WNT2B: variants seen among roughly 807,000 people sequenced by gnomAD.
WNT2B encodes the protein protein Wnt-2b.
WNT2B carries 19 observed loss-of-function variants against 40.5 expected under a neutral mutation model. That is an observed-to-expected ratio of 0.47 (90% confidence interval 0.33 to 0.69). The LOEUF is 0.69. WNT2B is among the 30% of genes least tolerant of loss of function. WNT2B has a pLI of 0.02. For synonymous variants in WNT2B, 220 were observed against 211.9 expected (o/e 1.04, Z -0.33); for missense variants, 467 against 556.4 (o/e 0.84, Z 1.62).
At position 112,471,385 on chromosome 1, in the gene WNT2B, CACTT is replaced by C. The variant is rs144517071; in HGVS notation, c.-95+3795_-95+3798del. 1.1e-3 allele frequency among the ~76,000 whole-genome samples: 171 copies of C among 152,326 alleles called. 4 individuals are homozygous for C. In the East Asian group the frequency reaches 0.03, roughly 27 times the overall value. ...GCCAACCTTGGCTGAGTTGACCACT[CACTT>C]CCTGCTCCATCTGTGCCTCAGGTAT... is the stretch of plus-strand genomic sequence containing the variant. On this transcript the variant is annotated intron_variant, in intron 1 of 4. Coordinates refer to the WNT2B transcript ENST00000256640.
At chr1:112,517,092 C>T (rs765181382) in intron 3 of WNT2B, 29 bp from the exon 4 acceptor site, 4 of 1,598,934 alleles carry the variant, frequency 2.5e-6, no homozygotes, top group Middle Eastern at 1.9e-4. Context: ...CCAGCTACTT[C>T]TCCCTTAACT....
chr1:112,509,136 C>G lies in WNT2B; in HGVS notation c.-127C>G, dbSNP rs1232320838. On this transcript the variant is annotated 5_prime_UTR_variant, in exon 1 of 5. Transcript: ENST00000369684. The surrounding 1 kb of genome is among the most constrained non-coding windows in gnomAD (Gnocchi z 4.2). ...CCCGGGCTCTGGACCCCAGGTGATCCTAGGTCCCCAGCCGCCGGCGAACAC... is the reference window on the plus strand; with the variant it reads ...CCCGGGCTCTGGACCCCAGGTGATCGTAGGTCCCCAGCCGCCGGCGAACAC... The G allele has an allele frequency of 1.2e-5, 16 of 1,376,426 alleles. No individual in the cohort carries two copies. The allele number at this position is 1,376,426 out of a possible 1,614,324, so 85.3% of individuals were successfully genotyped here.
chr1:112,479,101 A>G (rs1304708452), intron 1 of WNT2B, among the ~76,000 whole-genome samples: 2 of 150,944 alleles, frequency 1.3e-5, no homozygotes, highest in South Asian at 2.1e-4. Flanking sequence ...CATGCCTGTA[A>G]TCCCAGCTAC....
intron 1 of WNT2B, chr1:112,491,181 G>T: frequency 3.4e-6 from 4 of 1,176,904 alleles, no homozygotes; most frequent in South Asian, 2.7e-5. Context: ...AGGCTGAGGC[G>T]GGTGGATCAC....
chr1:112,523,222 T>C lies in WNT2B; in HGVS notation c.*2713T>C, dbSNP rs1158144576. ...GAAATGGGCCTCTTCTGGCATCTCATGCTACTCTGTGCTTTTCCTTGGGCT... is the reference window on the plus strand; with the variant it reads ...GAAATGGGCCTCTTCTGGCATCTCACGCTACTCTGTGCTTTTCCTTGGGCT... On this transcript the variant is annotated 3_prime_UTR_variant, in exon 5 of 5. Transcript: ENST00000369684. 1.3e-5 allele frequency: 2 copies of C among 152,244 alleles called. No homozygotes were observed. The highest frequency in any genetic ancestry group is 2.9e-5 in the Non-Finnish European group (2 of 68,050). 9.4% of individuals were successfully genotyped at this position (152,244 alleles called of 1,614,324 possible).
chr1:112,520,594 C>G lies in WNT2B; in HGVS notation c.*85C>G. 1 of 1,372,864 alleles carries G rather than the reference C, an allele frequency of 7.3e-7. No individual in the cohort carries two copies. Among genetic ancestry groups the G allele is most frequent in the South Asian group, 1.3e-5 (1 of 78,194 alleles). The allele number at this position is 1,372,864 out of a possible 1,614,324, so 85.0% of individuals were successfully genotyped here. On this transcript the variant is annotated 3_prime_UTR_variant, in exon 5 of 5. Coordinates refer to ENST00000369684, the MANE Select transcript of WNT2B (RefSeq NM_024494.3). ...CCTTGCATGCACACCTTCCTCCACC[C>G]TCCACCCTGGGCTGCTACCGCTTCT...
chr1:112,477,976 G>A (rs1489590550), intron 1 of WNT2B, among the ~76,000 whole-genome samples: 1 of 152,212 alleles, frequency 6.6e-6, no homozygotes, highest in East Asian at 1.9e-4. Context: ...GCTCATGCCT[G>A]TAACCCTAGC....
chr1:112,497,141 A>G lies in WNT2B; in HGVS notation c.-94-17733A>G, dbSNP rs1387133679. Among the ~76,000 whole-genome samples the G allele has an allele frequency of 2.0e-5, 3 of 152,144 alleles. No homozygotes were observed. In the East Asian group the frequency reaches 5.8e-4, roughly 29 times the overall value. On this transcript the variant is annotated intron_variant, in intron 1 of 4. Coordinates refer to the WNT2B transcript ENST00000256640. ...CACAGCAGCTCTTATGGGTTGGAAT[A>G]GGGTACCTGTGGCTTTCCCAAGGCT...
At position 112,516,203 on chromosome 1, in the gene WNT2B, G is replaced by A. The variant is rs766142735; in HGVS notation, c.467G>A (p.Arg156His). The change falls in exon 3 of 5, where the codon CGC (arginine) becomes CAC (histidine). Residue 156 changes from arginine (R) to histidine (H), a missense_variant. This residue lies in a region of WNT2B where 330 missense variants were observed against 438.6 expected (regional missense o/e 0.75). Transcript: ENST00000369684. ...GCAGGGGTAGTCCACGCTATTACTC[G>A]CGCCTGTAGCCAGGGTGAACTGAGT... is the stretch of plus-strand genomic sequence containing the variant. ...SSAGVVHAIT[R>H]ACSQGELSVC... 9.9e-6 allele frequency: 16 copies of A among 1,613,928 alleles called. No homozygotes were observed. In the East Asian group the frequency reaches 1.1e-4, roughly 11 times the overall value.
rs1653045648 is a variant in WNT2B, at chr1:112,524,019, AAAAAC to A, written c.*3515_*3519del. On this transcript the variant is annotated 3_prime_UTR_variant, in exon 5 of 5. Transcript: ENST00000369684. ...AGATTAAAAAAAAAAACAAAAAACA[AAAAAC>A]AAAAACAAACATTGCCTGGCCCTGA... The A allele has an allele frequency of 6.6e-6, 1 of 152,288 alleles. No homozygotes were observed. The highest frequency in any genetic ancestry group is 2.4e-5 in the African/African-American group (1 of 41,558). The allele number at this position is 152,288 out of a possible 1,614,324, so 9.4% of individuals were successfully genotyped here. A position where few individuals can be genotyped will look rare whatever the true frequency, so the allele number is the denominator to read the frequency against.
chr1:112,478,576 G>GA (rs779297437), intron 1 of WNT2B, among the ~76,000 whole-genome samples: 241 of 150,460 alleles, frequency 1.6e-3, no homozygotes, highest in Non-Finnish European at 2.5e-3. Flanking sequence ...AGTACTGAAA[G>GA]AAAAAAAAAT....
chr1:112,499,221 A>T (rs1291586590), intron 1 of WNT2B, among the ~76,000 whole-genome samples: 1 of 139,106 alleles, frequency 7.2e-6, no homozygotes, highest in Non-Finnish European at 1.6e-5. Flanking sequence ...AAAAAAAAAA[A>T]GCCACTTCCA....
rs890055691 is a variant in WNT2B, at chr1:112,489,499, G to A, written c.-95+21908G>A. 8.1e-4 allele frequency among the ~76,000 whole-genome samples: 123 copies of A among 152,114 alleles called. 1 individual carries two copies. Among genetic ancestry groups the A allele is most frequent in the African/African-American group, 2.8e-3 (118 of 41,412 alleles). On this transcript the variant is annotated intron_variant, in intron 1 of 4. Transcript: ENST00000256640. ...GAATCACTTGAACCCAGGAGGTGGA[G>A]GCTGCAGTGAGCCGAGATCACGCCA...
Position 112,509,059 on chromosome 1 carries a change from C to A in WNT2B, c.-204C>A. On this transcript the variant is annotated 5_prime_UTR_variant, in exon 1 of 5. Transcript: ENST00000369684. The surrounding 1 kb of genome is among the most constrained non-coding windows in gnomAD (Gnocchi z 4.2). ...CGCCCCAGACCCCGGGTTCGGCACGCCGTCGTCGGCTTCCGGACATCGCAA... is the reference window on the plus strand; with the variant it reads ...CGCCCCAGACCCCGGGTTCGGCACGACGTCGTCGGCTTCCGGACATCGCAA... 1.5e-6 allele frequency: 2 copies of A among 1,354,876 alleles called. No individual in the cohort carries two copies. Among genetic ancestry groups the A allele is most frequent in the Non-Finnish European group, 1.9e-6 (2 of 1,063,096 alleles). 83.9% of individuals were successfully genotyped at this position (1,354,876 alleles called of 1,614,324 possible).
chr1:112,495,446 G>T (rs1273915249), intron 1 of WNT2B, among the ~76,000 whole-genome samples: 1 of 152,062 alleles, frequency 6.6e-6, no homozygotes, highest in African/African-American at 2.4e-5. Context: ...AAAATTAGCT[G>T]GGCATGGTGG....
chr1:112,476,339 G>A (rs1485280935), intron 1 of WNT2B, among the ~76,000 whole-genome samples: 2 of 152,026 alleles, frequency 1.3e-5, no homozygotes, highest in Non-Finnish European at 2.9e-5. Flanking sequence ...TAAAAAAGAA[G>A]AAAGATATAA....
intron 1 of WNT2B, among the ~76,000 whole-genome samples, chr1:112,487,219 C>G (rs966859953): frequency 3.3e-5 from 5 of 152,092 alleles, no homozygotes; most frequent in Non-Finnish European, 7.4e-5. Context: ...CTATATGATT[C>G]TGTTTATTTA....
intron 1 of WNT2B, among the ~76,000 whole-genome samples, chr1:112,483,192 A>G (rs1171973823): frequency 1.1e-5 from 1 of 95,020 alleles, no homozygotes; most frequent in Non-Finnish European, 2.2e-5. Context: ...ACACACACAC[A>G]CACACACACA....
At chr1:112,516,441 T>C (rs758290051) in intron 3 of WNT2B, 24 bp downstream of exon 3, 3 of 1,591,712 alleles carry the variant, frequency 1.9e-6, no homozygotes, top group African/African-American at 2.7e-5. Flanking sequence ...TCTGTGTAAG[T>C]ACACTCATAT....
Sources: gnomAD v4.1 joint callset for allele counts (sites outside exome capture counted in the v4.1 genomes callset) on GRCh38, gnomAD v4.1.1 for gene constraint, gnomAD v4.1.1 regional missense constraint, Gnocchi (gnomAD v3.1) non-coding constraint, MANE v1.5 for transcripts, NCBI Gene and HGNC (gene_info 2026-07-23, HGNC 2026-07-21) for gene names.